The following WDPCP variants were observed in gnomAD, a reference collection of about 807,000 sequenced individuals.
WDPCP encodes WD repeat containing planar cell polarity effector.
A neutral mutation model predicts 93.1 loss-of-function variants in WDPCP; 71 were observed. That is an observed-to-expected ratio of 0.76 (90% CI 0.63 to 0.93). The LOEUF is 0.93. Among genes scored for constraint, WDPCP ranks in the 40% least tolerant of loss-of-function variants. The probability of loss-of-function intolerance (pLI) is 0.00; values close to 1 mark genes in which losing one functional copy is unlikely to be tolerated. For synonymous variants in WDPCP, 315 were observed against 315.0 expected, an observed-to-expected ratio of 1.00 and a Z score of 0.00; for missense variants, 844 against 887.4, an observed-to-expected ratio of 0.95 and a Z score of 0.62.
chr2:63,534,025 G>A (rs927180497), intron 1 of WDPCP, among the ~76,000 whole-genome samples: 2 of 151,732 alleles, frequency 1.3e-5, no homozygotes. Context: ...ATGATAAAAG[G>A]GATCTCACCA....
At chr2:63,671,768 C>T (rs376002996) in intron 2 of WDPCP, among the ~76,000 whole-genome samples, 1 of 152,100 alleles carries the variant, frequency 6.6e-6, no homozygotes, top group Non-Finnish European at 1.5e-5. Context: ...AATATAATAT[C>T]CAAGAACTAG....
In WDPCP at chr2:63,588,463, T is replaced by A. The variant is rs1558853388; in HGVS notation, c.-192A>T. The A allele has an allele frequency of 7.3e-6, 5 of 680,760 alleles. No homozygotes were observed. Among genetic ancestry groups the A allele is most frequent in the Non-Finnish European group, 1.3e-5 (5 of 375,732 alleles). The allele number at this position is 680,760 out of a possible 1,614,324, so 42.2% of individuals were successfully genotyped here. ...CTTAGCAACCTGAGAAGCTGTCCGG[T>A]CGTCCCAACTTATCAATTCCCCCGC... is the stretch of plus-strand genomic sequence containing the variant. On this transcript the variant is annotated 5_prime_UTR_variant, in exon 1 of 18. Transcript: ENST00000272321.
chr2:63,481,062 A>G (rs1157701972), intron 6 of WDPCP, among the ~76,000 whole-genome samples: 1 of 151,848 alleles, frequency 6.6e-6, no homozygotes, highest in African/African-American at 2.4e-5. Context: ...ACAATCCCAT[A>G]AAAAAAGTGG....
chr2:63,535,005 C>G (rs890388735), intron 1 of WDPCP, among the ~76,000 whole-genome samples: 8 of 152,206 alleles, frequency 5.3e-5, no homozygotes, highest in African/African-American at 1.7e-4. Flanking sequence ...TAAGCAACTT[C>G]AACAAAGTCT....
intron 12 of WDPCP, among the ~76,000 whole-genome samples, chr2:63,327,066 A>C (rs1177608847): frequency 6.6e-6 from 1 of 151,802 alleles, no homozygotes; most frequent in African/African-American, 2.4e-5. Context: ...ATTAATTACC[A>C]TACAAAGTTC....
intron 1 of WDPCP, among the ~76,000 whole-genome samples, chr2:63,524,912 A>G (rs767500306): frequency 1.3e-5 from 2 of 152,238 alleles, no homozygotes; most frequent in African/African-American, 2.4e-5. Flanking sequence ...CTAAAGGAAT[A>G]TAAGTTATTC....
At chr2:63,263,792 G>C (rs1451116561) in intron 13 of WDPCP, among the ~76,000 whole-genome samples, 2 of 152,174 alleles carry the variant, frequency 1.3e-5, no homozygotes, top group Non-Finnish European at 2.9e-5. Context: ...CTAATGCTAA[G>C]GTACTGTTAA....
intron 2 of WDPCP, among the ~76,000 whole-genome samples, chr2:63,807,073 G>A (rs1037915166): frequency 1.3e-5 from 2 of 152,212 alleles, no homozygotes; most frequent in Non-Finnish European, 2.9e-5. Context: ...TACAATTTAT[G>A]TTTAGAGATT....
rs568070057 is a variant in WDPCP, at chr2:63,588,378, G to A, written c.-107C>T. ...GGGTCTCCAGGACGCCGCCGCCGCC[G>A]CCACAGTTTCCTCAGGTGCTACAAA... is the stretch of plus-strand genomic sequence containing the variant. On this transcript the variant is annotated 5_prime_UTR_variant, in exon 1 of 18. Transcript: ENST00000272321. 114 of 1,314,898 alleles carry A rather than the reference G, an allele frequency of 8.7e-5. No individual in the cohort carries two copies. Among genetic ancestry groups the A allele is most frequent in the Non-Finnish European group, 1.1e-4 (104 of 931,644 alleles). The allele number at this position is 1,314,898 out of a possible 1,614,324, so 81.5% of individuals were successfully genotyped here.
At chr2:63,189,494 G>A (rs1332097765) in intron 14 of WDPCP, among the ~76,000 whole-genome samples, 1 of 152,144 alleles carries the variant, frequency 6.6e-6, no homozygotes, top group African/African-American at 2.4e-5. Flanking sequence ...ATAGAAAAAT[G>A]AGGGCCTGGA....
chr2:63,414,828 A>G (rs1695294563), intron 9 of WDPCP, among the ~76,000 whole-genome samples: 1 of 152,170 alleles, frequency 6.6e-6, no homozygotes, highest in Non-Finnish European at 1.5e-5. Flanking sequence ...TCACTAAAGA[A>G]CTTACTCATA....
chr2:63,689,026 T>C (rs1668853553), intron 2 of WDPCP, among the ~76,000 whole-genome samples: 1 of 152,212 alleles, frequency 6.6e-6, no homozygotes, highest in South Asian at 2.1e-4. Context: ...GGCCATGTTC[T>C]TGAACTTCCC....
At chr2:63,714,686 G>A (rs556122631) in intron 2 of WDPCP, among the ~76,000 whole-genome samples, 25 of 152,106 alleles carry the variant, frequency 1.6e-4, no homozygotes, top group Admixed American at 5.9e-4. Context: ...AAAATTAGCC[G>A]GGCATGGTGG....
intron 15 of WDPCP, among the ~76,000 whole-genome samples, chr2:63,161,329 C>T (rs1672626392): frequency 6.6e-6 from 1 of 152,212 alleles, no homozygotes; most frequent in South Asian, 2.1e-4. Context: ...ATGTGCTTTT[C>T]ACTTTCCATA....
chr2:63,228,104 T>G (rs1349188785), intron 14 of WDPCP, among the ~76,000 whole-genome samples: 10 of 152,112 alleles, frequency 6.6e-5, no homozygotes, highest in Non-Finnish European at 1.3e-4. Flanking sequence ...ACTATGACTT[T>G]CTTAATGAAA....
At chr2:63,168,717 G>A (rs1673175911) in intron 15 of WDPCP, 1 of 152,214 alleles carries the variant, frequency 6.6e-6, no homozygotes, top group Non-Finnish European at 1.5e-5. Context: ...CCTCCTGGGA[G>A]CTGAGGACCA....
intron 9 of WDPCP, among the ~76,000 whole-genome samples, chr2:63,411,168 T>C (rs115234525): frequency 0.011 from 1,662 of 152,054 alleles, 26 homozygotes; most frequent in African/African-American, 0.038. Context: ...TTGAAGAAAA[T>C]TGAAATATCA....
chr2:63,548,459 C>A lies in WDPCP; in HGVS notation c.75+39738G>T, dbSNP rs187478456. The stretch of plus-strand genomic sequence containing the variant: ...TACTCTTAGTTTCCTGAATGGCAAT[C>A]AGAAAAAAAAAATCATAATAGATAT... On this transcript the variant is annotated intron_variant, in intron 1 of 17. Coordinates refer to ENST00000272321, the MANE Select transcript of WDPCP (RefSeq NM_015910.7). 4.0e-3 allele frequency among the ~76,000 whole-genome samples: 610 copies of A among 150,636 alleles called. 3 individuals are homozygous for A. Among genetic ancestry groups the A allele is most frequent in the African/African-American group, 0.014 (574 of 41,068 alleles).
At position 63,404,005 on chromosome 2, in the gene WDPCP, C is replaced by T. The variant is rs955051943; in HGVS notation, c.1435+43G>A. 1.9e-6 allele frequency: 3 copies of T among 1,612,114 alleles called. No homozygotes were observed. In the Admixed American group the frequency reaches 5.0e-5, roughly 27 times the overall value. On this transcript the variant is annotated intron_variant, in intron 10 of 17. Transcript: ENST00000272321. Reference sequence around the variant, plus strand: ...TTATTGCCTTAATTATGTCACTATCCTAAACATTTTAATTTACTTACTCAT... The same window carrying T: ...TTATTGCCTTAATTATGTCACTATCTTAAACATTTTAATTTACTTACTCAT...
Sources: gnomAD v4.1 joint callset for allele counts (sites outside exome capture counted in the v4.1 genomes callset) on GRCh38, gnomAD v4.1.1 for gene constraint, MANE v1.5 for transcripts, NCBI Gene and HGNC (gene_info 2026-07-23, HGNC 2026-07-21) for gene names.